Variants in DENND1A observed in about 807,000 individuals in gnomAD.
DENND1A encodes the protein DENN domain-containing protein 1A.
Under a neutral mutation model 113.7 loss-of-function variants are expected in DENND1A, and 51 were observed. The observed-to-expected ratio is 0.45, with a 90% CI of 0.36 to 0.57. The LOEUF is 0.57. DENND1A is among the 20% of genes least tolerant of loss of function. The probability of loss-of-function intolerance (pLI) is 0.00; values close to 1 mark genes in which losing one functional copy is unlikely to be tolerated. For missense variants in DENND1A, 1,258 were observed against 1,395.9 expected (o/e 0.90, Z 1.57); for synonymous variants, 565 against 570.8 (o/e 0.99, Z 0.14).
At chr9:123,743,358 G>A (rs2069179134) in intron 5 of DENND1A, among the ~76,000 whole-genome samples, 1 of 151,750 alleles carries the variant, frequency 6.6e-6, no homozygotes, top group African/African-American at 2.4e-5. Context: ...CCGAGATCGT[G>A]CCACTGCACT....
At chr9:123,643,697 ACAGCCAAGTCT>A (rs1450950903) in intron 9 of DENND1A, among the ~76,000 whole-genome samples, 20 of 152,318 alleles carry the variant, frequency 1.3e-4, no homozygotes, top group African/African-American at 4.8e-4. Flanking sequence ...CTGCTGGGAG[ACAGCCAAGTCT>A]AAGAAGGCAT....
At chr9:123,421,267 C>T (rs1436895011) in intron 19 of DENND1A, among the ~76,000 whole-genome samples, 1 of 151,640 alleles carries the variant, frequency 6.6e-6, no homozygotes, top group Non-Finnish European at 1.5e-5. Flanking sequence ...AGCAACCCTC[C>T]AAGAATGTGA....
chr9:123,473,998 T>C (rs1204162791), intron 13 of DENND1A, among the ~76,000 whole-genome samples: 1 of 136,310 alleles, frequency 7.3e-6, no homozygotes, highest in African/African-American at 2.7e-5. Flanking sequence ...TTTTTTTTTT[T>C]TTTTTTTTTT....
At chr9:123,563,342 C>T (rs2057871890) in intron 12 of DENND1A, among the ~76,000 whole-genome samples, 2 of 152,218 alleles carry the variant, frequency 1.3e-5, no homozygotes, top group Admixed American at 1.3e-4. Flanking sequence ...CCCCTGGCTT[C>T]ATCTACTCCT....
chr9:123,471,870 T>A (rs2049455992), intron 13 of DENND1A, among the ~76,000 whole-genome samples: 1 of 152,218 alleles, frequency 6.6e-6, no homozygotes, highest in South Asian at 2.1e-4. Flanking sequence ...GTCAGACGAT[T>A]TTCTACACAA....
intron 5 of DENND1A, among the ~76,000 whole-genome samples, chr9:123,755,035 C>G (rs1198220361): frequency 6.6e-6 from 1 of 152,064 alleles, no homozygotes; most frequent in Non-Finnish European, 1.5e-5. Context: ...TCTAAGAACT[C>G]AGTTTAAGCC....
intron 3 of DENND1A, among the ~76,000 whole-genome samples, chr9:123,773,496 T>A (rs1477855561): frequency 6.6e-6 from 1 of 152,140 alleles, no homozygotes. Flanking sequence ...TATAATATTA[T>A]CCATTATAGA....
chr9:123,892,422 A>G (rs1020267718), intron 1 of DENND1A, among the ~76,000 whole-genome samples: 1 of 152,242 alleles, frequency 6.6e-6, no homozygotes, highest in Non-Finnish European at 1.5e-5. Context: ...TCAAAGTAAC[A>G]TAGACAAAAC....
At chr9:123,821,227 T>A (rs1292854089) in intron 2 of DENND1A, among the ~76,000 whole-genome samples, 2 of 152,324 alleles carry the variant, frequency 1.3e-5, no homozygotes, top group South Asian at 4.1e-4. Flanking sequence ...GAAAAAAATA[T>A]GCAGTATTCT....
intron 12 of DENND1A, among the ~76,000 whole-genome samples, chr9:123,580,276 G>A (rs1175873911): frequency 1.3e-5 from 2 of 152,124 alleles, no homozygotes; most frequent in Non-Finnish European, 2.9e-5. Flanking sequence ...CATTTAAAAG[G>A]CATCTTGGAA....
intron 1 of DENND1A, among the ~76,000 whole-genome samples, chr9:123,904,483 G>T (rs1350239092): frequency 7.0e-6 from 1 of 143,848 alleles, no homozygotes; most frequent in Non-Finnish European, 1.5e-5. Context: ...AAATTTAGAA[G>T]AATGTATAAC....
In DENND1A at chr9:123,647,716, A is replaced by G. The variant is rs2062412098; in HGVS notation, c.618+4297T>C. 3.9e-5 allele frequency among the ~76,000 whole-genome samples: 6 copies of G among 152,348 alleles called. 1 individual carries two copies. The South Asian group carries it at 1.2e-3, about 32-fold the overall frequency. On this transcript the variant is annotated intron_variant, in intron 9 of 23. Coordinates refer to ENST00000394215, the MANE Select transcript of DENND1A (RefSeq NM_001352964.2). ...CTCACTCAGCTTCTACATTAGAGAC[A>G]TAATCATATTGATAGTGCAGTTCAT... is the stretch of plus-strand genomic sequence containing the variant.
chr9:123,752,545 G>T (rs2070145836), intron 5 of DENND1A, among the ~76,000 whole-genome samples: 1 of 152,082 alleles, frequency 6.6e-6, no homozygotes. Context: ...AAGACAAAAG[G>T]TATTTAATTA....
At chr9:123,631,881 A>G (rs929814224) in intron 9 of DENND1A, among the ~76,000 whole-genome samples, 1 of 137,108 alleles carries the variant, frequency 7.3e-6, no homozygotes, top group South Asian at 2.5e-4. Flanking sequence ...AAAGAAAGGG[A>G]AAAAAAACAA....
intron 13 of DENND1A, among the ~76,000 whole-genome samples, chr9:123,480,542 T>C (rs2133683891): frequency 6.6e-6 from 1 of 152,320 alleles, no homozygotes; most frequent in East Asian, 1.9e-4. Context: ...TTTGTTAGGC[T>C]AACATCTCAT....
At chr9:123,822,087 T>C (rs976128458) in intron 2 of DENND1A, among the ~76,000 whole-genome samples, 1 of 152,240 alleles carries the variant, frequency 6.6e-6, no homozygotes, top group African/African-American at 2.4e-5. Flanking sequence ...CTTAGACGCT[T>C]TGGCTTCCTT....
At chr9:123,502,513 T>G (rs557370362) in intron 13 of DENND1A, among the ~76,000 whole-genome samples, 1 of 152,228 alleles carries the variant, frequency 6.6e-6, no homozygotes, top group Non-Finnish European at 1.5e-5. Flanking sequence ...GTCTTTTGCC[T>G]ATGTTTGAAT....
At chr9:123,407,020 A>G (rs898224087) in intron 20 of DENND1A, among the ~76,000 whole-genome samples, 5 of 152,296 alleles carry the variant, frequency 3.3e-5, no homozygotes, top group African/African-American at 1.2e-4. Flanking sequence ...AAAGAACAAC[A>G]GAGCTAATTA....
intron 19 of DENND1A, chr9:123,414,704 A>T (rs1310719051): frequency 3.6e-6 from 5 of 1,378,584 alleles, no homozygotes; most frequent in Non-Finnish European, 5.0e-6. Context: ...TTGAACATAG[A>T]CTTGCTTTCC....
Sources: allele counts gnomAD v4.1 joint callset (sites outside exome capture counted in the v4.1 genomes callset), GRCh38; gene constraint gnomAD v4.1.1; transcripts MANE v1.5; gene names NCBI Gene and HGNC (gene_info 2026-07-23, HGNC 2026-07-21).